Variants in PRKAG2 observed in about 807,000 individuals in gnomAD.
PRKAG2 encodes 5'-AMP-activated protein kinase subunit gamma-2.
PRKAG2 carries 26 observed loss-of-function variants against 69.6 expected under a neutral mutation model. The observed-to-expected ratio is 0.37, with a 90% CI of 0.27 to 0.52. PRKAG2 has a LOEUF of 0.52. Ranked by LOEUF, PRKAG2 falls within the 20% of genes least tolerant of loss-of-function variation. The pLI, the probability that PRKAG2 is intolerant of heterozygous loss-of-function variation, is 0.90. For synonymous variants in PRKAG2, 293 were observed against 285.0 expected (o/e 1.03, Z -0.28); for missense variants, 557 against 740.0 (o/e 0.75, Z 2.87).
intron 1 of PRKAG2, among the ~76,000 whole-genome samples, chr7:151,864,389 A>T (rs2080009434): frequency 6.6e-6 from 1 of 152,108 alleles, no homozygotes; most frequent in South Asian, 2.1e-4. Flanking sequence ...TCCTCATTAT[A>T]CGGCGGTCCA....
In PRKAG2 at chr7:151,780,419, A is replaced by G. The variant is rs2076606164; in HGVS notation, c.466+733T>C. 6.6e-6 allele frequency among the ~76,000 whole-genome samples: 1 copy of G among 152,228 alleles called. No individual in the cohort carries two copies. The highest frequency in any genetic ancestry group is 6.5e-5 in the Admixed American group (1 of 15,280). ...GTTTTCCACATCACTATCTTCCCCA[A>G]TACAAATGTTCTAAGTCAGTAGAAA... On this transcript the variant is annotated intron_variant, in intron 3 of 15. Coordinates refer to ENST00000287878, the MANE Select transcript of PRKAG2 (RefSeq NM_016203.4). This position sits in a 1 kb window ranked among gnomAD's most constrained non-coding sequence, Gnocchi z 4.2.
chr7:151,755,068 C>G (rs944912400), intron 3 of PRKAG2, among the ~76,000 whole-genome samples: 2 of 152,114 alleles, frequency 1.3e-5, no homozygotes, highest in Non-Finnish European at 2.9e-5. Flanking sequence ...AGTTCTGAAG[C>G]CCGGATGCCC....
chr7:151,810,899 A>G (rs1036470435), intron 1 of PRKAG2: 1 of 153,660 alleles, frequency 6.5e-6, no homozygotes, highest in Admixed American at 6.6e-5. Flanking sequence ...CGGGGCACCG[A>G]GAAGGAAATT....
chr7:151,716,571 G>A (rs2151625769), intron 3 of PRKAG2, among the ~76,000 whole-genome samples: 1 of 152,100 alleles, frequency 6.6e-6, no homozygotes. Flanking sequence ...GCCCAGCCTT[G>A]CACTTAACAG....
chr7:151,666,566 T>C (rs746081868), intron 4 of PRKAG2, among the ~76,000 whole-genome samples: 11 of 152,240 alleles, frequency 7.2e-5, no homozygotes, highest in African/African-American at 1.2e-4. Context: ...ACCAGTTCAG[T>C]TGGACAATCC....
intron 1 of PRKAG2, among the ~76,000 whole-genome samples, chr7:151,797,409 C>G (rs1224214854): frequency 2.0e-5 from 3 of 152,128 alleles, no homozygotes; most frequent in Admixed American, 2.0e-4. Context: ...CCCTCCTCTA[C>G]GTAGAGGACC....
chr7:151,683,179 T>A (rs1012896318), intron 3 of PRKAG2, among the ~76,000 whole-genome samples: 4 of 151,956 alleles, frequency 2.6e-5, no homozygotes, highest in African/African-American at 9.7e-5. Context: ...CGAAAGGGGG[T>A]CCAGACACTG....
chr7:151,691,677 A>G (rs1237313325), intron 3 of PRKAG2, among the ~76,000 whole-genome samples: 1 of 152,242 alleles, frequency 6.6e-6, no homozygotes, highest in Non-Finnish European at 1.5e-5. Flanking sequence ...AAGTGCTGAC[A>G]ATGATTTGGA....
At chr7:151,832,085 C>A (rs77466830) in intron 1 of PRKAG2, among the ~76,000 whole-genome samples, 37,261 of 151,870 alleles carry the variant, frequency 0.25, 5,351 homozygotes, top group Middle Eastern at 0.4. Flanking sequence ...CAGGGGCCAC[C>A]AGATGCCTGG....
intron 3 of PRKAG2, among the ~76,000 whole-genome samples, chr7:151,703,191 C>T (rs539849821): frequency 7.4e-4 from 112 of 152,242 alleles, no homozygotes; most frequent in African/African-American, 2.5e-3. Flanking sequence ...TCAGCGCGCG[C>T]GAAGCAAAGA....
chr7:151,757,769 C>T (rs2075181845), intron 3 of PRKAG2, among the ~76,000 whole-genome samples: 1 of 152,178 alleles, frequency 6.6e-6, no homozygotes, highest in Admixed American at 6.5e-5. Context: ...CCACTGCCCC[C>T]GCCACCCCAT....
At chr7:151,834,540 C>T (rs1171494011) in intron 1 of PRKAG2, among the ~76,000 whole-genome samples, 1 of 152,214 alleles carries the variant, frequency 6.6e-6, no homozygotes, top group Admixed American at 6.5e-5. Context: ...GTTTGCACCG[C>T]ACAGCGCACC....
At chr7:151,804,200 G>A (rs926580632) in intron 1 of PRKAG2, among the ~76,000 whole-genome samples, 2 of 152,122 alleles carry the variant, frequency 1.3e-5, no homozygotes, top group African/African-American at 2.4e-5. Context: ...GGGTATCCAC[G>A]TCATATGCTT....
intron 5 of PRKAG2, among the ~76,000 whole-genome samples, chr7:151,628,865 G>A (rs1046268447): frequency 2.6e-5 from 4 of 152,208 alleles, no homozygotes; most frequent in East Asian, 1.9e-4. Context: ...CAGGCACGGG[G>A]GAGAGAAAGG....
chr7:151,669,925 C>G, intron 4 of PRKAG2, among the ~76,000 whole-genome samples: 1 of 150,116 alleles, frequency 6.7e-6, no homozygotes, highest in Non-Finnish European at 1.5e-5. Flanking sequence ...CATGCACACA[C>G]ACCTGTGCAC....
At chr7:151,776,573 C>T (rs946199049) in intron 3 of PRKAG2, among the ~76,000 whole-genome samples, 4 of 152,234 alleles carry the variant, frequency 2.6e-5, no homozygotes, top group Non-Finnish European at 4.4e-5. Flanking sequence ...AGGGCCCAGG[C>T]CCCGGGTACA....
intron 6 of PRKAG2, among the ~76,000 whole-genome samples, chr7:151,589,981 TC>T (rs1812659597): frequency 6.6e-6 from 1 of 152,164 alleles, no homozygotes; most frequent in Non-Finnish European, 1.5e-5. Context: ...CAAGACTGGT[TC>T]CCAGGAACAG....
chr7:151,755,720 A>G (rs1233166856), intron 3 of PRKAG2, among the ~76,000 whole-genome samples: 1 of 152,118 alleles, frequency 6.6e-6, no homozygotes, highest in East Asian at 1.9e-4. Context: ...TAAGACATTT[A>G]CCATCTGGCT....
In PRKAG2 at chr7:151,617,288, GA is replaced by G. The variant is rs1260853990; in HGVS notation, c.754+14780del. Among the ~76,000 whole-genome samples the G allele has an allele frequency of 5.3e-5, 7 of 132,032 alleles. 1 individual carries two copies. The highest frequency in any genetic ancestry group is 2.3e-4 in the African/African-American group (7 of 29,792). The allele number at this position is 132,032 out of a possible 152,430, so 86.6% of individuals were successfully genotyped here. On this transcript the variant is annotated intron_variant, in intron 5 of 15. Coordinates refer to ENST00000287878, the MANE Select transcript of PRKAG2 (RefSeq NM_016203.4). ...GGAAGGAGGGAGGGAGGGAAAGAGGGAGGGGGGGAGGGAGGGAGGGAGAGAG... is the reference window on the plus strand; with the variant it reads ...GGAAGGAGGGAGGGAGGGAAAGAGGGGGGGGGGAGGGAGGGAGGGAGAGAG...
Sources: gnomAD v4.1 joint callset for allele counts (sites outside exome capture counted in the v4.1 genomes callset) on GRCh38, gnomAD v4.1.1 for gene constraint, Gnocchi (gnomAD v3.1) non-coding constraint, MANE v1.5 for transcripts, NCBI Gene and HGNC (gene_info 2026-07-23, HGNC 2026-07-21) for gene names.